Variants in PDE4D observed in about 807,000 individuals in gnomAD.
PDE4D encodes the protein phosphodiesterase 4D, also known as 3',5'-cyclic-AMP phosphodiesterase 4D.
PDE4D carries 24 observed loss-of-function variants against 87.4 expected under a neutral mutation model. The observed-to-expected ratio is 0.27, with a 90% CI of 0.20 to 0.39. PDE4D has a LOEUF of 0.39. Among genes scored for constraint, PDE4D ranks in the 10% least tolerant of loss-of-function variants. The probability of loss-of-function intolerance (pLI) is 1.00; values close to 1 mark genes in which losing one functional copy is unlikely to be tolerated. For synonymous variants in PDE4D, 384 were observed against 383.2 expected, an observed-to-expected ratio of 1.00 and a Z score of -0.02; for missense variants, 714 against 1,041.0, an observed-to-expected ratio of 0.69 and a Z score of 4.32.
At chr5:59,252,230 C>A (rs1297758697) in intron 1 of PDE4D, among the ~76,000 whole-genome samples, 1 of 152,132 alleles carries the variant, frequency 6.6e-6, no homozygotes, top group Non-Finnish European at 1.5e-5. Context: ...TGACTGTGGA[C>A]AAACTGCTAC....
intron 1 of PDE4D, among the ~76,000 whole-genome samples, chr5:60,299,356 T>C (rs972162866): frequency 6.6e-6 from 1 of 152,238 alleles, no homozygotes; most frequent in Non-Finnish European, 1.5e-5. Flanking sequence ...GACTGGCTCA[T>C]AGGTATAGAA....
intron 1 of PDE4D, among the ~76,000 whole-genome samples, chr5:60,361,686 G>A (rs1677237776): frequency 1.3e-5 from 2 of 152,126 alleles, no homozygotes; most frequent in African/African-American, 4.8e-5. Context: ...ACATCCTTTA[G>A]AGTTTCCTTT....
intron 1 of PDE4D, among the ~76,000 whole-genome samples, chr5:59,884,013 A>G (rs1162982490): frequency 6.6e-6 from 1 of 152,132 alleles, no homozygotes; most frequent in East Asian, 1.9e-4. Context: ...AAAAGGAGAA[A>G]ATACATGATT....
chr5:59,163,829 C>A (rs1263621508), intron 5 of PDE4D, among the ~76,000 whole-genome samples: 1 of 152,054 alleles, frequency 6.6e-6, no homozygotes, highest in Non-Finnish European at 1.5e-5. Flanking sequence ...ATCAGACTAT[C>A]GTTTTTATTT....
At chr5:59,346,309 G>C (rs1779594904) in intron 1 of PDE4D, among the ~76,000 whole-genome samples, 1 of 151,928 alleles carries the variant, frequency 6.6e-6, no homozygotes, top group Non-Finnish European at 1.5e-5. Context: ...TCTCTTACTG[G>C]CACATTCACA....
chr5:59,370,928 C>A (rs1783832359), intron 1 of PDE4D, among the ~76,000 whole-genome samples: 1 of 152,178 alleles, frequency 6.6e-6, no homozygotes, highest in South Asian at 2.1e-4. Context: ...GTGAAATTAT[C>A]AGAGTTTAGA....
At chr5:59,355,103 T>A (rs1781162022) in intron 1 of PDE4D, among the ~76,000 whole-genome samples, 1 of 152,212 alleles carries the variant, frequency 6.6e-6, no homozygotes, top group Non-Finnish European at 1.5e-5. Flanking sequence ...TGTGAGGTAT[T>A]CAAATACATG....
intron 1 of PDE4D, among the ~76,000 whole-genome samples, chr5:60,300,266 G>C (rs1157235003): frequency 6.6e-6 from 1 of 152,066 alleles, no homozygotes; most frequent in African/African-American, 2.4e-5. Context: ...TCTTGTAAAT[G>C]TGTTTAAGTT....
chr5:60,444,070 C>T (rs1052454136), intron 1 of PDE4D, among the ~76,000 whole-genome samples: 7 of 151,806 alleles, frequency 4.6e-5, no homozygotes, highest in Non-Finnish European at 8.8e-5. Flanking sequence ...AATAGGTCCT[C>T]CATGTTATAA....
intron 2 of PDE4D, among the ~76,000 whole-genome samples, chr5:60,105,831 C>G (rs1039136921): frequency 6.6e-6 from 1 of 152,098 alleles, no homozygotes; most frequent in Admixed American, 6.5e-5. Context: ...TTGTCACCAC[C>G]AGGCCTAAAA....
intron 1 of PDE4D, among the ~76,000 whole-genome samples, chr5:60,344,768 ACACT>A (rs930819890): frequency 2.8e-4 from 43 of 152,264 alleles, no homozygotes; most frequent in African/African-American, 1.0e-3. Flanking sequence ...TTTTAGAAAA[ACACT>A]CATCTATATA....
intron 1 of PDE4D, among the ~76,000 whole-genome samples, chr5:59,661,074 T>TTA (rs3062479): frequency 0.078 from 10,872 of 139,942 alleles, 785 homozygotes; most frequent in African/African-American, 0.19. Context: ...CATGATAATA[T>TTA]TATATATATA....
At chr5:59,085,584 A>G (rs1342977431) in intron 5 of PDE4D, among the ~76,000 whole-genome samples, 7 of 152,218 alleles carry the variant, frequency 4.6e-5, no homozygotes, top group Non-Finnish European at 1.0e-4. Flanking sequence ...AGTGGACACT[A>G]TAAATTATGA....
chr5:59,934,600 G>T (rs149364400), intron 3 of PDE4D, among the ~76,000 whole-genome samples: 10 of 152,184 alleles, frequency 6.6e-5, no homozygotes, highest in African/African-American at 2.4e-4. Context: ...TATTTGCATA[G>T]ATCTATAATA....
intron 1 of PDE4D, among the ~76,000 whole-genome samples, chr5:59,318,137 A>G (rs1195228405): frequency 6.6e-6 from 1 of 152,210 alleles, no homozygotes; most frequent in Non-Finnish European, 1.5e-5. Context: ...GAATGAATAC[A>G]TAATACACGT....
At chr5:59,180,248 T>C (rs977316754) in intron 5 of PDE4D, 4 of 411,702 alleles carry the variant, frequency 9.7e-6, no homozygotes, top group African/African-American at 6.2e-5. Context: ...TGATGACATA[T>C]TATATCATGC....
At chr5:58,985,086 AT>A (rs552260457) in intron 11 of PDE4D, among the ~76,000 whole-genome samples, 1 of 150,056 alleles carries the variant, frequency 6.7e-6, no homozygotes, top group East Asian at 2.0e-4. Context: ...ATTTTTTTGT[AT>A]TTTTTTTTGT....
At chr5:60,319,978 G>A (rs1367375913) in intron 1 of PDE4D, among the ~76,000 whole-genome samples, 7 of 152,192 alleles carry the variant, frequency 4.6e-5, no homozygotes, top group South Asian at 2.1e-4. Context: ...CTCCAGCTGC[G>A]TGCTGGGAGA....
intron 1 of PDE4D, among the ~76,000 whole-genome samples, chr5:60,240,567 G>T (rs185517225): frequency 6.6e-6 from 1 of 152,082 alleles, no homozygotes. Flanking sequence ...GGTTACAGCA[G>T]GCCTTGGACA....
Sources: gnomAD v4.1 joint callset for allele counts (sites outside exome capture counted in the v4.1 genomes callset) on GRCh38, gnomAD v4.1.1 for gene constraint, MANE v1.5 for transcripts, NCBI Gene and HGNC (gene_info 2026-07-23, HGNC 2026-07-21) for gene names.